Variants in AKAIN1 observed in about 807,000 individuals in gnomAD.
AKAIN1 encodes the protein A-kinase anchor protein inhibitor 1.
Under a neutral mutation model 3.7 loss-of-function variants are expected in AKAIN1, and 3 were observed. The observed-to-expected ratio is 0.82, with a 90% confidence interval of 0.37 to 2.12. The LOEUF (loss-of-function observed/expected upper bound fraction) is 2.12. Among genes scored for constraint, AKAIN1 ranks in the 30% most tolerant of loss-of-function variants. The probability of loss-of-function intolerance (pLI) is 0.06; values close to 1 mark genes in which losing one functional copy is unlikely to be tolerated. For synonymous variants in AKAIN1, 31 were observed against 30.8 expected (o/e 1.01, Z -0.02); for missense variants, 82 against 82.7 (o/e 0.99, Z 0.03).
chr18:5,162,407 C>T (rs2071144568), intron 1 of AKAIN1, among the ~76,000 whole-genome samples: 1 of 152,018 alleles, frequency 6.6e-6, no homozygotes, highest in Admixed American at 6.6e-5. Flanking sequence ...ACAGACCAGG[C>T]AACATGTCAG....
chr18:5,192,505 A>G (rs2143039777), intron 1 of AKAIN1, among the ~76,000 whole-genome samples: 1 of 150,500 alleles, frequency 6.6e-6, no homozygotes, highest in Non-Finnish European at 1.5e-5. Context: ...GCCTCAAACA[A>G]TTCTCCTGCC....
At chr18:5,165,085 C>T (rs1598308895) in intron 1 of AKAIN1, among the ~76,000 whole-genome samples, 1 of 151,912 alleles carries the variant, frequency 6.6e-6, no homozygotes, top group East Asian at 1.9e-4. Context: ...TATGTTTATG[C>T]CAATCTGCCA....
In AKAIN1 at chr18:5,181,122, T is replaced by TA. The variant is rs113002665; in HGVS notation, c.16+15915dup. On this transcript the variant is annotated intron_variant, in intron 1 of 1. Transcript: ENST00000434239. ...GGTCACTGAGTGAAACCCCATCTCT[T>TA]AAAAAAAAAAAAAGTAAAATTTAGC... 1.7e-3 allele frequency among the ~76,000 whole-genome samples: 249 copies of TA among 142,626 alleles called. 3 individuals carry two copies. Among genetic ancestry groups the TA allele is most frequent in the East Asian group, 0.012 (58 of 4,966 alleles). The allele number at this position is 142,626 out of a possible 152,430, so 93.6% of individuals were successfully genotyped here. A position where few individuals can be genotyped will look rare whatever the true frequency, so the allele number is the denominator to read the frequency against.
intron 1 of AKAIN1, among the ~76,000 whole-genome samples, chr18:5,159,117 A>T (rs905576216): frequency 1.3e-5 from 2 of 151,936 alleles, no homozygotes; most frequent in African/African-American, 2.4e-5. Context: ...TCAGAAAGAG[A>T]GAACAGGTGG....
At chr18:5,184,090 C>T (rs2071274119) in intron 1 of AKAIN1, among the ~76,000 whole-genome samples, 1 of 152,014 alleles carries the variant, frequency 6.6e-6, no homozygotes, top group South Asian at 2.1e-4. Context: ...TTTATAGTAT[C>T]AGAGCTGGAA....
At chr18:5,150,856 T>G (rs962032754) in intron 1 of AKAIN1, among the ~76,000 whole-genome samples, 10 of 152,240 alleles carry the variant, frequency 6.6e-5, no homozygotes, top group African/African-American at 2.4e-4. Context: ...ACCATCCTGA[T>G]AAAAACTTAC....
At chr18:5,148,185 A>G (rs1266588117) in intron 1 of AKAIN1, among the ~76,000 whole-genome samples, 1 of 152,228 alleles carries the variant, frequency 6.6e-6, no homozygotes, top group Non-Finnish European at 1.5e-5. Context: ...GAGAAACTCA[A>G]AAATAGGACA....
intron 1 of AKAIN1, among the ~76,000 whole-genome samples, chr18:5,148,603 C>T (rs563754344): frequency 6.6e-6 from 1 of 152,312 alleles, no homozygotes; most frequent in South Asian, 2.1e-4. Context: ...CAGCTGTAAT[C>T]CCAGCACTCT....
At chr18:5,160,735 G>C (rs186068939) in intron 1 of AKAIN1, among the ~76,000 whole-genome samples, 5 of 152,258 alleles carry the variant, frequency 3.3e-5, no homozygotes, top group African/African-American at 1.2e-4. Context: ...TTTGTGCATA[G>C]TGTGAGGTAA....
chr18:5,145,769 T>C lies in AKAIN1; in HGVS notation c.17-14A>G. The C allele has an allele frequency of 6.5e-7, 1 of 1,542,606 alleles. No homozygotes were observed. Among genetic ancestry groups the C allele is most frequent in the Non-Finnish European group, 8.8e-7 (1 of 1,140,174 alleles). On this transcript the variant is annotated splice_polypyrimidine_tract_variant and intron_variant, in intron 1 of 1. Transcript: ENST00000434239. ...CAGGTTTCTCACCTAGCCAAAAACA[T>C]GAAAAGGAGGGGAAAAGGAGAGAAA...
chr18:5,181,023 C>T (rs2071254885), intron 1 of AKAIN1, among the ~76,000 whole-genome samples: 1 of 151,864 alleles, frequency 6.6e-6, no homozygotes. Context: ...TGTGGTGGCT[C>T]ATGCCTATAA....
rs1327819853 is a variant in AKAIN1 at position 5,144,680 on chromosome 18, A to G, written c.*882T>C. Among the ~76,000 whole-genome samples the G allele has an allele frequency of 6.6e-6, 1 of 152,214 alleles. No individual in the cohort carries two copies. Among genetic ancestry groups the G allele is most frequent in the African/African-American group, 2.4e-5 (1 of 41,458 alleles). ...GCCTAGTGGCAAAACAGCATTCGTT[A>G]AGGACCCCAGAATCCCTTCCAAGGA... On this transcript the variant is annotated 3_prime_UTR_variant, in exon 2 of 2. Transcript: ENST00000434239.
chr18:5,157,362 T>C (rs2143323358), intron 1 of AKAIN1, among the ~76,000 whole-genome samples: 1 of 152,360 alleles, frequency 6.6e-6, no homozygotes, highest in East Asian at 1.9e-4. Context: ...CACTTTTGTT[T>C]ATGCTTCCAT....
chr18:5,197,121 G>A lies in AKAIN1; in HGVS notation c.-68C>T. The A allele has an allele frequency of 6.5e-7, 1 of 1,547,766 alleles. No homozygotes were observed. Among genetic ancestry groups the A allele is most frequent in the Admixed American group, 2.0e-5 (1 of 50,970 alleles). On this transcript the variant is annotated 5_prime_UTR_variant, in exon 1 of 2. Coordinates refer to ENST00000434239, the MANE Select transcript of AKAIN1 (RefSeq NM_001145194.2). The surrounding 1 kb of genome is among the most constrained non-coding windows in gnomAD (Gnocchi z 6.9). Reference sequence around the variant, plus strand: ...CAGGCAGACGGAGGATGGGAAGAAGGCCGGACTTGGCGGGGTCCGGTGCAG... The same window carrying A: ...CAGGCAGACGGAGGATGGGAAGAAGACCGGACTTGGCGGGGTCCGGTGCAG...
intron 1 of AKAIN1, among the ~76,000 whole-genome samples, chr18:5,162,642 G>C (rs1463062004): frequency 7.0e-6 from 1 of 142,184 alleles, no homozygotes; most frequent in African/African-American, 2.9e-5. Flanking sequence ...GTGTGTGTGT[G>C]TGTGTGTGTG....
At chr18:5,193,606 C>T (rs1298185529) in intron 1 of AKAIN1, among the ~76,000 whole-genome samples, 1 of 152,168 alleles carries the variant, frequency 6.6e-6, no homozygotes, top group Non-Finnish European at 1.5e-5. Context: ...TGAACATTCC[C>T]TCTTTCTCTT....
Position 5,164,479 on chromosome 18 carries a change from A to T in AKAIN1, c.17-18724T>A, listed in dbSNP as rs183018114. Among the ~76,000 whole-genome samples the T allele has an allele frequency of 3.4e-3, 515 of 152,162 alleles. 1 individual carries two copies. The highest frequency in any genetic ancestry group is 5.9e-3 in the Non-Finnish European group (403 of 67,954). ...TTACCTCTAGAAAAGCAACTAAAAC[A>T]TGTGGTGTAATTTCTACTTTATTAT... On this transcript the variant is annotated intron_variant, in intron 1 of 1. Coordinates refer to ENST00000434239, the MANE Select transcript of AKAIN1 (RefSeq NM_001145194.2).
chr18:5,179,691 G>C (rs1390372706), intron 1 of AKAIN1, among the ~76,000 whole-genome samples: 1 of 151,908 alleles, frequency 6.6e-6, no homozygotes, highest in Non-Finnish European at 1.5e-5. Context: ...TGGTGGCAGT[G>C]GTCATTAAAA....
At chr18:5,195,308 G>A (rs754526739) in intron 1 of AKAIN1, among the ~76,000 whole-genome samples, 21 of 152,092 alleles carry the variant, frequency 1.4e-4, no homozygotes, top group Non-Finnish European at 2.5e-4. Context: ...CAAATTGTGG[G>A]CTCTTTAAAC....
Sources: allele counts gnomAD v4.1 joint callset (sites outside exome capture counted in the v4.1 genomes callset), GRCh38; gene constraint gnomAD v4.1.1; non-coding constraint Gnocchi (gnomAD v3.1); transcripts MANE v1.5; gene names NCBI Gene and HGNC (gene_info 2026-07-23, HGNC 2026-07-21).